The following CAST variants were observed in gnomAD, a reference collection of about 807,000 sequenced individuals.
CAST encodes the protein MIR583 host.
A neutral mutation model predicts 119.6 loss-of-function variants in CAST; 76 were observed. That is an observed-to-expected ratio of 0.64 (90% CI 0.53 to 0.77). CAST has a LOEUF of 0.77. Among genes scored for constraint, CAST ranks in the 30% least tolerant of loss-of-function variants. CAST has a pLI of 0.00. For missense variants in CAST, 953 were observed against 946.5 expected (o/e 1.01, Z -0.09); for synonymous variants, 319 against 331.6 (o/e 0.96, Z 0.41).
the CAST span, among the ~76,000 whole-genome samples, chr5:96,299,017 A>G: frequency 6.6e-6 from 1 of 151,998 alleles, no homozygotes; most frequent in African/African-American, 2.4e-5. Context: ...AGGCGGATGG[A>G]TCACCTGAGG....
At chr5:96,770,212 C>T (rs1008198904) in intron 29 of CAST, 2 of 307,662 alleles carry the variant, frequency 6.5e-6, no homozygotes, top group East Asian at 6.7e-5. Context: ...CTTTTCTCCA[C>T]ACCCTTGCCG....
the CAST span, among the ~76,000 whole-genome samples, chr5:96,072,288 A>G: frequency 0.61 from 93,162 of 151,876 alleles, 28,729 homozygotes; most frequent in Non-Finnish European, 0.63. Context: ...AAGAACAGGT[A>G]GGACTTGAAA....
intron 1 of CAST, among the ~76,000 whole-genome samples, chr5:96,618,610 C>T (rs1449447044): frequency 3.9e-5 from 6 of 152,250 alleles, no homozygotes; most frequent in Admixed American, 6.5e-5. Context: ...TTCGGGGCAG[C>T]GGGCTGGCCC....
At chr5:96,062,068 A>G in the CAST span, among the ~76,000 whole-genome samples, 1 of 152,098 alleles carries the variant, frequency 6.6e-6, no homozygotes, top group African/African-American at 2.4e-5. Context: ...TGTATTCTGG[A>G]TGTGGGTTTT....
chr5:96,157,363 C>T, the CAST span, among the ~76,000 whole-genome samples: 8 of 152,208 alleles, frequency 5.3e-5, no homozygotes, highest in African/African-American at 1.9e-4. Flanking sequence ...TTTAATTTGG[C>T]AAATCTTCCA....
intron 3 of CAST, chr5:96,714,936 G>T (rs573839825): frequency 6.6e-6 from 1 of 151,514 alleles, no homozygotes; most frequent in African/African-American, 2.4e-5. Context: ...GGGTGGTCCG[G>T]TATCAGAGCT....
chr5:96,222,166 C>A, the CAST span, among the ~76,000 whole-genome samples: 4 of 151,838 alleles, frequency 2.6e-5, no homozygotes, highest in Non-Finnish European at 5.9e-5. Context: ...CTAGAAAAAA[C>A]CATAGAGAAA....
intron 3 of CAST, among the ~76,000 whole-genome samples, chr5:96,704,389 C>A (rs1405136209): frequency 1.3e-5 from 2 of 152,000 alleles, no homozygotes; most frequent in Non-Finnish European, 2.9e-5. Flanking sequence ...AAAGCTAGTA[C>A]GTAAAGTAAC....
chr5:96,566,227 C>T (rs573498989), intron 1 of CAST, among the ~76,000 whole-genome samples: 56 of 152,294 alleles, frequency 3.7e-4, no homozygotes, highest in South Asian at 8.3e-4. Context: ...GCCTAATGAA[C>T]GTGAATTTCT....
At chr5:96,662,817 C>G (rs917371765) in intron 1 of CAST, among the ~76,000 whole-genome samples, 4 of 152,302 alleles carry the variant, frequency 2.6e-5, no homozygotes, top group African/African-American at 9.6e-5. Context: ...CTCAGGACCC[C>G]CGAGTGAGTG....
At chr5:96,412,318 C>T in the CAST span, 2 of 1,613,494 alleles carry the variant, frequency 1.2e-6, no homozygotes, top group African/African-American at 1.3e-5. Context: ...AGCATCTTAC[C>T]TGTTTGACAC....
chr5:96,661,132 G>T (rs1311621617), upstream of CAST, among the ~76,000 whole-genome samples: 1 of 151,680 alleles, frequency 6.6e-6, no homozygotes, highest in African/African-American at 2.4e-5. Flanking sequence ...TCTGCCTTCT[G>T]GCCGGCTGTA....
the CAST span, among the ~76,000 whole-genome samples, chr5:96,168,179 A>G: frequency 2.0e-5 from 3 of 152,170 alleles, no homozygotes; most frequent in Non-Finnish European, 4.4e-5. Context: ...TGGCCAGATG[A>G]GAAGGAGAAA....
At chr5:96,368,387 C>G in the CAST span, among the ~76,000 whole-genome samples, 2 of 151,762 alleles carry the variant, frequency 1.3e-5, no homozygotes, top group Non-Finnish European at 2.9e-5. Flanking sequence ...GTAATCCCAA[C>G]TACTCAGGAG....
the CAST span, among the ~76,000 whole-genome samples, chr5:96,405,288 G>A: frequency 2.0e-5 from 3 of 152,058 alleles, no homozygotes; most frequent in African/African-American, 2.4e-5. Context: ...CTTAAATCAC[G>A]AACACTGAGA....
chr5:96,754,654 T>C lies in CAST; in HGVS notation c.1627-4T>C, dbSNP rs1243275950. 3.2e-6 allele frequency: 5 copies of C among 1,567,782 alleles called. No homozygotes were observed. The East Asian group carries it at 1.1e-4, about 35-fold the overall frequency. On this transcript the variant is annotated splice_polypyrimidine_tract_variant and splice_region_variant and intron_variant, in intron 21 of 31. Coordinates refer to ENST00000675179, the MANE Select transcript of CAST (RefSeq NM_001750.7). The stretch of plus-strand genomic sequence containing the variant: ...AACAATGAAAATGGTATAATTTTTC[T>C]CAGGAGAAGGCCAAAGAAGAAGACC...
At chr5:96,118,630 CTT>C in the CAST span, among the ~76,000 whole-genome samples, 57 of 129,796 alleles carry the variant, frequency 4.4e-4, no homozygotes, top group Admixed American at 4.7e-4. Context: ...TGGAAATTTG[CTT>C]TTTTTTTTTT....
chr5:96,224,459 C>G, the CAST span, among the ~76,000 whole-genome samples: 1 of 152,062 alleles, frequency 6.6e-6, no homozygotes, highest in Non-Finnish European at 1.5e-5. Flanking sequence ...GGCCCTAAAT[C>G]TAATCAATCA....
chr5:96,498,700 C>T, the CAST span, among the ~76,000 whole-genome samples: 7 of 152,254 alleles, frequency 4.6e-5, no homozygotes, highest in East Asian at 1.3e-3. Context: ...TAGTGATGCA[C>T]CATTCAGATT....
Sources: gnomAD v4.1 joint callset for allele counts (sites outside exome capture counted in the v4.1 genomes callset) on GRCh38, gnomAD v4.1.1 for gene constraint, MANE v1.5 for transcripts, NCBI Gene and HGNC (gene_info 2026-07-23, HGNC 2026-07-21) for gene names.